Variants in TPCN1 observed in about 807,000 individuals in gnomAD.
TPCN1 encodes the protein two pore segment channel 1.
Under a neutral mutation model 108.8 loss-of-function variants are expected in TPCN1, and 52 were observed. The observed-to-expected ratio is 0.48, with a 90% CI of 0.38 to 0.60. TPCN1 has a LOEUF of 0.60. TPCN1 is among the 20% of genes least tolerant of loss of function. TPCN1 has a pLI of 0.00. For missense variants in TPCN1, 806 were observed against 1,072.8 expected (o/e 0.75, Z 3.47); for synonymous variants, 446 against 433.7 (o/e 1.03, Z -0.35).
At chr12:113,227,397 C>A (rs1426295769) in intron 2 of TPCN1, among the ~76,000 whole-genome samples, 2 of 152,198 alleles carry the variant, frequency 1.3e-5, no homozygotes, top group Admixed American at 1.3e-4. Flanking sequence ...TCTCTTTGCT[C>A]CATCTCAGTC....
rs1954977254 is a variant in TPCN1 at position 113,260,287 on chromosome 12, C to A, written c.113-81C>A. 2.8e-6 allele frequency: 4 copies of A among 1,420,966 alleles called. No homozygotes were observed. In the East Asian group the frequency reaches 1.1e-4, roughly 39 times the overall value. The allele number at this position is 1,420,966 out of a possible 1,614,324, so 88.0% of individuals were successfully genotyped here. A position where few individuals can be genotyped will look rare whatever the true frequency, so the allele number is the denominator to read the frequency against. On this transcript the variant is annotated intron_variant, in intron 2 of 27. Coordinates refer to ENST00000335509, the MANE Select transcript of TPCN1 (RefSeq NM_017901.6). ...TCCATGTGAGCATATGAAGGGACTG[C>A]CAGGCTTTTCTTCTGCCAAACGGTG...
intron 2 of TPCN1, 31 bp from the exon 3 acceptor site, chr12:113,260,337 C>A: frequency 1.4e-6 from 2 of 1,474,304 alleles, no homozygotes; most frequent in South Asian, 2.8e-5. Flanking sequence ...AGCCTGGGTG[C>A]CAAGTGAATC....
In TPCN1 at chr12:113,271,769, C is replaced by T. The variant is rs893385140; in HGVS notation, c.749-889C>T. On this transcript the variant is annotated intron_variant, in intron 7 of 27. Transcript: ENST00000335509. ...CTTGAGAGTTTCCCAAAGGCGCTTG[C>T]CTGGGCCCTGAGAGACGGCAAGCTT... Among the ~76,000 whole-genome samples the T allele has an allele frequency of 5.9e-5, 9 of 152,358 alleles. 1 individual carries two copies. In the South Asian group the frequency reaches 1.9e-3, roughly 32 times the overall value.
At chr12:113,258,692 G>A (rs940130453) in intron 2 of TPCN1, among the ~76,000 whole-genome samples, 1 of 152,036 alleles carries the variant, frequency 6.6e-6, no homozygotes, top group Admixed American at 6.5e-5. Flanking sequence ...GAAGTAGGAG[G>A]ATCTCTTGAA....
chr12:113,279,591 A>G (rs1242638439), intron 14 of TPCN1, among the ~76,000 whole-genome samples: 1 of 150,822 alleles, frequency 6.6e-6, no homozygotes, highest in Non-Finnish European at 1.5e-5. Context: ...TTTTTAGTAG[A>G]GATGGAGTTT....
At chr12:113,247,565 G>A (rs970937653) in intron 2 of TPCN1, among the ~76,000 whole-genome samples, 4 of 152,228 alleles carry the variant, frequency 2.6e-5, no homozygotes, top group African/African-American at 9.6e-5. Flanking sequence ...GACAGGGCAG[G>A]GGATTAGCAC....
chr12:113,244,209 C>T (rs1044417573), intron 2 of TPCN1: 3 of 621,164 alleles, frequency 4.8e-6, no homozygotes, highest in Non-Finnish European at 6.0e-6. Flanking sequence ...AGAGTCCCTC[C>T]CTCTAGAACA....
intron 15 of TPCN1, among the ~76,000 whole-genome samples, chr12:113,283,046 C>T (rs912549583): frequency 6.6e-6 from 1 of 152,022 alleles, no homozygotes; most frequent in African/African-American, 2.4e-5. Context: ...CACTGCACTC[C>T]AACCTGGGTA....
At chr12:113,277,559 CA>C (rs1388218888) in intron 12 of TPCN1, among the ~76,000 whole-genome samples, 195 bp downstream of exon 12, 4 of 152,192 alleles carry the variant, frequency 2.6e-5, no homozygotes, top group Non-Finnish European at 5.9e-5. Context: ...AAGTCCAACA[CA>C]AATCCAATTC....
intron 2 of TPCN1, among the ~76,000 whole-genome samples, chr12:113,257,904 A>G (rs974148989): frequency 3.9e-5 from 6 of 152,166 alleles, no homozygotes; most frequent in African/African-American, 7.2e-5. Context: ...AAAAAAGACT[A>G]CATACTGTAT....
At position 113,269,875 on chromosome 12, in the gene TPCN1, G is replaced by A. The variant is rs369564737; in HGVS notation, c.748+30G>A. The stretch of plus-strand genomic sequence containing the variant: ...GTTCCCGCCTCTCAGGCCCAGGTGC[G>A]CTGGAAAAGCAAGTTCACGGTGGAT... On this transcript the variant is annotated intron_variant, in intron 7 of 27. Coordinates refer to ENST00000335509, the MANE Select transcript of TPCN1 (RefSeq NM_017901.6). This position sits in a 1 kb window ranked among gnomAD's most constrained non-coding sequence, Gnocchi z 5.0. 2.4e-5 allele frequency: 38 copies of A among 1,607,622 alleles called. No individual in the cohort carries two copies. The highest frequency in any genetic ancestry group is 1.6e-4 in the South Asian group (15 of 90,922).
rs981637603 is a variant in TPCN1, at chr12:113,232,038, C to T, written c.112+5074C>T. Among the ~76,000 whole-genome samples, 1 of 152,220 alleles carries T rather than the reference C, an allele frequency of 6.6e-6. No individual in the cohort carries two copies. The highest frequency in any genetic ancestry group is 1.5e-5 in the Non-Finnish European group (1 of 68,048). On this transcript the variant is annotated intron_variant, in intron 2 of 27. Coordinates refer to ENST00000335509, the MANE Select transcript of TPCN1 (RefSeq NM_017901.6). This position sits in a 1 kb window ranked among gnomAD's most constrained non-coding sequence, Gnocchi z 5.6. The stretch of plus-strand genomic sequence containing the variant: ...GCCTTCTCCCTGCCTTTAAAGCCAG[C>T]TGCTGCCTAAGATGGGCTGGACCAT...
chr12:113,244,683 C>T (rs529929642), intron 2 of TPCN1: 6 of 985,374 alleles, frequency 6.1e-6, no homozygotes, highest in African/African-American at 3.5e-5. Flanking sequence ...TGGCAAGCGG[C>T]GGGGCGGTTG....
At chr12:113,233,354 ACTT>A (rs1593077264) in intron 2 of TPCN1, among the ~76,000 whole-genome samples, 1 of 152,144 alleles carries the variant, frequency 6.6e-6, no homozygotes, top group East Asian at 1.9e-4. Flanking sequence ...AGAACCGTGA[ACTT>A]CTCAGCTTCC....
In TPCN1 at chr12:113,290,027, G is replaced by T. The variant is rs944690335; in HGVS notation, c.1797-101G>T. 4.0e-6 allele frequency: 3 copies of T among 742,484 alleles called. No individual in the cohort carries two copies. In the African/African-American group the frequency reaches 5.2e-5, roughly 13 times the overall value. 46.0% of individuals were successfully genotyped at this position (742,484 alleles called of 1,614,324 possible). Reference sequence around the variant, plus strand: ...AACCAGGCTGCGGGCAGAACAGAAGGATCCTTGGCCAGAACTCGGTTTGTT... The same window carrying T: ...AACCAGGCTGCGGGCAGAACAGAAGTATCCTTGGCCAGAACTCGGTTTGTT... On this transcript the variant is annotated intron_variant, in intron 21 of 27. Coordinates refer to ENST00000335509, the MANE Select transcript of TPCN1 (RefSeq NM_017901.6).
chr12:113,222,399 T>G (rs560846644), intron 1 of TPCN1, among the ~76,000 whole-genome samples: 4 of 152,216 alleles, frequency 2.6e-5, no homozygotes, highest in African/African-American at 9.6e-5. Context: ...AGCAGCTCAG[T>G]TGACATTTTG....
At chr12:113,223,580 G>A (rs867433531) in intron 1 of TPCN1, among the ~76,000 whole-genome samples, 2 of 152,072 alleles carry the variant, frequency 1.3e-5, no homozygotes, top group African/African-American at 4.8e-5. Context: ...GTCTCGCTCT[G>A]TCGCCCAGGC....
chr12:113,273,671 G>A lies in TPCN1; in HGVS notation c.942+3G>A, dbSNP rs1313108932. On this transcript the variant is annotated splice_donor_region_variant and intron_variant, in intron 10 of 27. Coordinates refer to ENST00000335509, the MANE Select transcript of TPCN1 (RefSeq NM_017901.6). This position sits in a 1 kb window ranked among gnomAD's most constrained non-coding sequence, Gnocchi z 4.0. ...AGCTGTATTTCATCATGAACCTGGT[G>A]AGTGACTATGCCTCAGGCTACGCTG... The A allele has an allele frequency of 1.9e-6, 3 of 1,612,460 alleles. No homozygotes were observed. Among genetic ancestry groups the A allele is most frequent in the Non-Finnish European group, 2.5e-6 (3 of 1,178,706 alleles).
Position 113,281,705 on chromosome 12 carries a change from A to C in TPCN1, c.1342+1510A>C, listed in dbSNP as rs1017556945. Among the ~76,000 whole-genome samples the C allele has an allele frequency of 1.4e-4, 21 of 152,004 alleles. No homozygotes were observed. The East Asian group carries it at 4.1e-3, about 30-fold the overall frequency. ...AGGTGCATGCCACCACACCTGGCTA[A>C]TTTTTTAATTTTTTGTAGAGACGGG... is the stretch of plus-strand genomic sequence containing the variant. On this transcript the variant is annotated intron_variant, in intron 15 of 27. Transcript: ENST00000335509.
Sources: gnomAD v4.1 joint callset for allele counts (sites outside exome capture counted in the v4.1 genomes callset) on GRCh38, gnomAD v4.1.1 for gene constraint, Gnocchi (gnomAD v3.1) non-coding constraint, MANE v1.5 for transcripts, NCBI Gene and HGNC (gene_info 2026-07-23, HGNC 2026-07-21) for gene names.